Variants in UTRN observed in about 807,000 individuals in gnomAD.
The protein encoded by UTRN is utrophin.
In UTRN, 283 loss-of-function variants were observed where a neutral mutation model predicts 463.9. That is an observed-to-expected ratio of 0.61 (90% CI 0.55 to 0.67). The LOEUF is 0.67. UTRN is among the 30% of genes least tolerant of loss of function. The pLI is 0.00. For synonymous variants in UTRN, 1,442 were observed against 1,431.5 expected (o/e 1.01, Z -0.17); for missense variants, 3,922 against 4,084.3 (o/e 0.96, Z 1.08).
At chr6:144,376,179 G>T (rs543061760) in intron 2 of UTRN, among the ~76,000 whole-genome samples, 79 of 152,058 alleles carry the variant, frequency 5.2e-4, no homozygotes, top group East Asian at 1.5e-3. Context: ...TTTTTGGGTC[G>T]GGCCGGGTGG....
intron 23 of UTRN, among the ~76,000 whole-genome samples, chr6:144,464,297 G>A (rs1789714622): frequency 6.6e-6 from 1 of 152,108 alleles, no homozygotes; most frequent in South Asian, 2.1e-4. Context: ...TTTGACTCAG[G>A]AACTAATGGG....
At chr6:144,744,303 TAC>T (rs1325576370) in intron 54 of UTRN, among the ~76,000 whole-genome samples, 1 of 127,832 alleles carries the variant, frequency 7.8e-6, no homozygotes, top group Non-Finnish European at 1.6e-5. Flanking sequence ...AAATGGTGTA[TAC>T]ATATATATAT....
In UTRN at chr6:144,488,667, G is replaced by A; in HGVS notation, c.3973-6G>A. ...CAACTAATGATTCAATTTCTCCTTT[G>A]TGCAGGCAGAGAGCAAGCAGATTTC... On this transcript the variant is annotated splice_polypyrimidine_tract_variant and splice_region_variant and intron_variant, in intron 29 of 74. Transcript: ENST00000367545. 1 of 1,610,412 alleles carries A rather than the reference G, an allele frequency of 6.2e-7. No homozygotes were observed.
At chr6:144,324,528 A>G (rs2114591280) in intron 2 of UTRN, among the ~76,000 whole-genome samples, 1 of 152,340 alleles carries the variant, frequency 6.6e-6, no homozygotes, top group Non-Finnish European at 1.5e-5. Flanking sequence ...GGGTTTGGCC[A>G]TAAAGTATTT....
chr6:144,723,975 A>T (rs1353271712), intron 53 of UTRN, among the ~76,000 whole-genome samples: 1 of 138,110 alleles, frequency 7.2e-6, no homozygotes, highest in Middle Eastern at 4.0e-3. Context: ...ATGCCACTGC[A>T]CTCCAGCTTG....
At chr6:144,537,832 A>T in intron 44 of UTRN, 115 bp downstream of exon 44, 1 of 1,417,562 alleles carries the variant, frequency 7.1e-7, no homozygotes, top group Non-Finnish European at 9.5e-7. Context: ...TTTTTGGTAA[A>T]TGTGGTGAAC....
intron 2 of UTRN, among the ~76,000 whole-genome samples, chr6:144,304,806 A>C (rs1444291150): frequency 6.6e-6 from 1 of 152,122 alleles, no homozygotes; most frequent in African/African-American, 2.4e-5. Flanking sequence ...TAAAATTAAA[A>C]AAATTTATAT....
rs1463034394 is a variant in UTRN, at chr6:144,473,926, G to A, written c.3180+93G>A. On this transcript the variant is annotated intron_variant, in intron 24 of 74. Transcript: ENST00000367545. ...CTATTATTAAAATTGTGAGAATATAGCATAGCATTACATCTAGATAAAATA... is the reference window on the plus strand; with the variant it reads ...CTATTATTAAAATTGTGAGAATATAACATAGCATTACATCTAGATAAAATA... 6 of 802,190 alleles carry A rather than the reference G, an allele frequency of 7.5e-6. No individual in the cohort carries two copies. In the East Asian group the frequency reaches 1.6e-4, roughly 22 times the overall value. The allele number at this position is 802,190 out of a possible 1,614,324, so 49.7% of individuals were successfully genotyped here.
At chr6:144,790,544 T>C (rs1206883018) in intron 62 of UTRN, among the ~76,000 whole-genome samples, 1 of 152,226 alleles carries the variant, frequency 6.6e-6, no homozygotes, top group African/African-American at 2.4e-5. Context: ...TGTGGATTTA[T>C]ATAAAATGAA....
At chr6:144,348,671 A>G (rs970230720) in intron 2 of UTRN, among the ~76,000 whole-genome samples, 4 of 152,220 alleles carry the variant, frequency 2.6e-5, no homozygotes, top group African/African-American at 9.6e-5. Context: ...GCGGTGGCTC[A>G]TGCCTGTAAT....
intron 53 of UTRN, among the ~76,000 whole-genome samples, chr6:144,717,483 C>CA (rs1465467174): frequency 6.6e-6 from 1 of 152,150 alleles, no homozygotes; most frequent in South Asian, 2.1e-4. Context: ...AACCGGTTCA[C>CA]AAAAAAACCG....
chr6:144,796,150 C>T (rs944182465), intron 63 of UTRN, among the ~76,000 whole-genome samples: 2 of 152,168 alleles, frequency 1.3e-5, no homozygotes, highest in African/African-American at 4.8e-5. Flanking sequence ...GTTTTCCCAA[C>T]ACCATTTATT....
At chr6:144,355,319 C>A (rs1006380418) in intron 2 of UTRN, among the ~76,000 whole-genome samples, 2 of 152,220 alleles carry the variant, frequency 1.3e-5, no homozygotes, top group Non-Finnish European at 1.5e-5. Context: ...CTACCTCAGC[C>A]TCCAGAGTAG....
At chr6:144,822,223 A>T (rs533768077) in intron 66 of UTRN, among the ~76,000 whole-genome samples, 1 of 152,252 alleles carries the variant, frequency 6.6e-6, no homozygotes, top group Admixed American at 6.5e-5. Context: ...AAATCCCTGT[A>T]GACCTCAAAC....
chr6:144,292,576 C>T (rs1407540974), intron 2 of UTRN, among the ~76,000 whole-genome samples: 1 of 152,158 alleles, frequency 6.6e-6, no homozygotes, highest in East Asian at 1.9e-4. Context: ...GCATTGGCTC[C>T]ATTCCAGACC....
intron 2 of UTRN, among the ~76,000 whole-genome samples, chr6:144,316,818 G>A (rs114079465): frequency 1.5e-3 from 232 of 152,136 alleles, no homozygotes; most frequent in African/African-American, 5.3e-3. Context: ...CTTGTTATTA[G>A]TTAGGACTTA....
At chr6:144,583,253 C>A in intron 51 of UTRN, 1 of 388,186 alleles carries the variant, frequency 2.6e-6, no homozygotes, top group Non-Finnish European at 4.6e-6. Context: ...GCAAGTGCTG[C>A]CTGTGAGCAT....
In UTRN at chr6:144,548,579, C is replaced by A. The variant is rs190906632; in HGVS notation, c.6596-61C>A. ...AATACACATACACGTGTCACCATGA[C>A]ACCACCATAATTAAAACATCCTGTT... On this transcript the variant is annotated intron_variant, in intron 46 of 74. Coordinates refer to ENST00000367545, the MANE Select transcript of UTRN (RefSeq NM_007124.3). 1,574 of 1,510,522 alleles carry A rather than the reference C, an allele frequency of 1.0e-3. 3 individuals are homozygous for A. The highest frequency in any genetic ancestry group is 3.7e-3 in the Middle Eastern group (16 of 4,330). The allele number at this position is 1,510,522 out of a possible 1,614,324, so 93.6% of individuals were successfully genotyped here.
chr6:144,514,080 T>G, intron 36 of UTRN, 43 bp downstream of exon 36: 3 of 1,610,028 alleles, frequency 1.9e-6, no homozygotes, highest in Non-Finnish European at 2.5e-6. Flanking sequence ...GAGTGGCATG[T>G]TTTGTTGTCA....
Sources: allele counts gnomAD v4.1 joint callset (sites outside exome capture counted in the v4.1 genomes callset), GRCh38; gene constraint gnomAD v4.1.1; transcripts MANE v1.5; gene names NCBI Gene and HGNC (gene_info 2026-07-23, HGNC 2026-07-21).